The following CUL4B variants were observed in gnomAD, a reference collection of about 807,000 sequenced individuals.
CUL4B encodes cullin-4B.
Under a neutral mutation model 69.2 loss-of-function variants are expected in CUL4B, and 1 was observed. The ratio of observed to expected loss-of-function variants is 0.01; its 90% CI spans 0.01 to 0.07. CUL4B has a LOEUF of 0.07. CUL4B is among the 10% of genes least tolerant of loss of function. CUL4B has a pLI of 1.00. For synonymous variants in CUL4B, 237 were observed against 223.2 expected (o/e 1.06, Z -0.55); for missense variants, 328 against 638.8 (o/e 0.51, Z 5.24).
chrX:120,555,298 T>C (rs781271338), intron 2 of CUL4B, among the ~76,000 whole-genome samples: 11 of 112,063 alleles, frequency 9.8e-5, no homozygotes, highest in African/African-American at 3.6e-4. Flanking sequence ...ACAATAAACA[T>C]TTGTTACAAA....
chrX:120,526,643 A>T lies in CUL4B; in HGVS notation c.*118T>A. 2.0e-6 allele frequency: 1 copy of T among 487,839 alleles called. No homozygotes were observed. The highest frequency in any genetic ancestry group is 3.7e-6 in the Non-Finnish European group (1 of 269,886). The allele number at this position is 487,839 out of a possible 1,213,427, so 40.2% of individuals were successfully genotyped here. ...AAAAGTCCACTCAACTATTTCCATT[A>T]ATTACACTGCTTCATTTGGTCATCG... is the stretch of plus-strand genomic sequence containing the variant. On this transcript the variant is annotated 3_prime_UTR_variant, in exon 20 of 20. Coordinates refer to ENST00000371322, the MANE Select transcript of CUL4B (RefSeq NM_001079872.2).
intron 14 of CUL4B, among the ~76,000 whole-genome samples, chrX:120,537,620 AAAG>A (rs1300169087): frequency 8.9e-6 from 1 of 112,122 alleles, no homozygotes; most frequent in Non-Finnish European, 1.9e-5. Flanking sequence ...ACTGTGGGGT[AAAG>A]AAGTCACTAC....
chrX:120,566,345 GTATA>G (rs537274243), upstream of CUL4B, among the ~76,000 whole-genome samples: 2,388 of 40,505 alleles, frequency 0.059, 70 homozygotes, highest in Non-Finnish European at 0.065. Flanking sequence ...GTGTGTATAG[GTATA>G]TATATATATA....
chrX:120,535,130 G>A (rs1923579120), intron 16 of CUL4B, among the ~76,000 whole-genome samples: 1 of 110,619 alleles, frequency 9.0e-6, no homozygotes, highest in South Asian at 3.8e-4. Context: ...ATGAGTTTGA[G>A]GTTACAGTGA....
chrX:120,562,869 C>T (rs747988009), upstream of CUL4B, among the ~76,000 whole-genome samples: 7 of 111,715 alleles, frequency 6.3e-5, no homozygotes, highest in South Asian at 1.9e-3. Flanking sequence ...ACTCTGTAGG[C>T]GATCATAGAT....
At chrX:120,557,100 G>A (rs1020227921) in intron 2 of CUL4B, among the ~76,000 whole-genome samples, 8 of 110,071 alleles carry the variant, frequency 7.3e-5, no homozygotes, top group South Asian at 3.9e-4. Context: ...TAGTAGAGAC[G>A]GGGTTTCTCC....
In CUL4B at chrX:120,524,170, T is replaced by C. The variant is rs1922846919; in HGVS notation, c.*2591A>G. The stretch of plus-strand genomic sequence containing the variant: ...ATTCAAGCAGACTCAGGAACTGGGT[T>C]CAAAAACTTTGAGGAACATCTTACT... On this transcript the variant is annotated 3_prime_UTR_variant, in exon 20 of 20. Coordinates refer to ENST00000371322, the MANE Select transcript of CUL4B (RefSeq NM_001079872.2). Among the ~76,000 whole-genome samples, 1 of 111,290 alleles carries C rather than the reference T, an allele frequency of 9.0e-6. No individual in the cohort carries two copies.
intron 11 of CUL4B, among the ~76,000 whole-genome samples, chrX:120,539,860 T>C (rs1421432036): frequency 8.9e-6 from 1 of 111,870 alleles, no homozygotes; most frequent in Non-Finnish European, 1.9e-5. Flanking sequence ...TGCAACAAAA[T>C]TTCATCCTTT....
downstream of CUL4B, among the ~76,000 whole-genome samples, chrX:120,569,202 C>G (rs1423118620): frequency 9.0e-6 from 1 of 111,203 alleles, no homozygotes; most frequent in Non-Finnish European, 1.9e-5. Flanking sequence ...CTGGCCAAAT[C>G]CAGGAAAACA....
upstream of CUL4B, among the ~76,000 whole-genome samples, chrX:120,566,367 A>ATGTGTATATATATATATATATATG (rs754503890): frequency 7.0e-5 from 4 of 57,140 alleles, 1 homozygote; most frequent in African/African-American, 2.3e-4. Flanking sequence ...ATATATATAT[A>ATGTGTATATATATATATATATATG]TATATATATA....
intron 16 of CUL4B, among the ~76,000 whole-genome samples, chrX:120,535,094 C>T (rs1461974211): frequency 1.8e-5 from 2 of 111,262 alleles, no homozygotes; most frequent in African/African-American, 3.3e-5. Flanking sequence ...CTTTAGGAAG[C>T]GGAGGCAGGG....
chrX:120,552,385 T>C (rs1719059305), intron 2 of CUL4B, among the ~76,000 whole-genome samples: 1 of 112,731 alleles, frequency 8.9e-6, no homozygotes. Context: ...TGACCTCAGG[T>C]GATCCGCCCA....
chrX:120,534,858 G>T (rs755479779), intron 16 of CUL4B, among the ~76,000 whole-genome samples: 86 of 111,226 alleles, frequency 7.7e-4, no homozygotes, highest in African/African-American at 2.6e-3. Context: ...TCAGCCTTAT[G>T]TGTCATTCTA....
chrX:120,543,024 T>C lies in CUL4B; in HGVS notation c.1266A>G (p.Leu422=). The C allele has an allele frequency of 8.5e-7, 1 of 1,178,763 alleles. No homozygotes were observed. The highest frequency in any genetic ancestry group is 3.0e-5 in the East Asian group (1 of 33,655). The change falls in exon 9 of 20, where the codon TTA becomes TTG. Residue 422 remains leucine (L), a synonymous_variant. Transcript: ENST00000371322. ...TYLDQTTQKS[L]IATVEKQLLG... ...GAAGTTGTTTTTCTACAGTAGCAAT[T>C]AATGACTTCCTACAAGGAAAAAAAA...
At chrX:120,530,335 T>C in intron 18 of CUL4B, 81 bp from the exon 19 acceptor site, 1 of 944,190 alleles carries the variant, frequency 1.1e-6, no homozygotes, top group Non-Finnish European at 1.5e-6. Flanking sequence ...TTTAGGGACA[T>C]GACATTGTTA....
chrX:120,555,487 C>G (rs1924908847), intron 2 of CUL4B, among the ~76,000 whole-genome samples: 1 of 111,477 alleles, frequency 9.0e-6, no homozygotes, highest in South Asian at 3.7e-4. Context: ...CACTGCACTA[C>G]AGTGGTATTC....
chrX:120,536,803 C>T, intron 15 of CUL4B, 124 bp downstream of exon 15: 2 of 513,302 alleles, frequency 3.9e-6, no homozygotes, highest in South Asian at 5.4e-5. Context: ...TCAAGACCAG[C>T]CTGAGCAATA....
At chrX:120,562,757 A>G (rs1184513681), upstream of CUL4B, among the ~76,000 whole-genome samples, 1 of 111,750 alleles carries the variant, frequency 8.9e-6, no homozygotes, top group Non-Finnish European at 1.9e-5. Context: ...GTTTATGGAA[A>G]CATGGAAAGT....
chrX:120,544,956 A>T (rs1344163406), intron 5 of CUL4B, among the ~76,000 whole-genome samples: 1 of 112,438 alleles, frequency 8.9e-6, no homozygotes, highest in African/African-American at 3.2e-5. Flanking sequence ...GTTCTAAGAC[A>T]TAAAACAGTT....
Sources: allele counts gnomAD v4.1 joint callset (sites outside exome capture counted in the v4.1 genomes callset), GRCh38; gene constraint gnomAD v4.1.1; transcripts MANE v1.5; gene names NCBI Gene and HGNC (gene_info 2026-07-23, HGNC 2026-07-21).